HMCN2: variants seen among roughly 807,000 people sequenced by gnomAD.
HMCN2 encodes hemicentin 2, also known as hemicentin-2.
In HMCN2, 325 loss-of-function variants were observed where a neutral mutation model predicts 377.5. That is an observed-to-expected ratio of 0.86 (90% CI 0.79 to 0.94). HMCN2 has a LOEUF of 0.94. Among genes scored for constraint, HMCN2 ranks in the 40% least tolerant of loss-of-function variants. The pLI is 0.00. For synonymous variants in HMCN2, 2,007 were observed against 2,046.8 expected, an observed-to-expected ratio of 0.98 and a Z score of 0.53; for missense variants, 4,543 against 4,725.3, an observed-to-expected ratio of 0.96 and a Z score of 1.13.
At position 130,351,456 on chromosome 9, in the gene HMCN2, C is replaced by A. The variant is rs1453920638; in HGVS notation, c.4464C>A (p.Val1488=). The A allele has an allele frequency of 7.7e-7, 1 of 1,304,254 alleles. No homozygotes were observed. The highest frequency in any genetic ancestry group is 2.3e-5 in the Admixed American group (1 of 43,564). The allele number at this position is 1,304,254 out of a possible 1,614,324, so 80.8% of individuals were successfully genotyped here. ...PVLPGGPHLQ[V]QEDGQVLRIT... is the part of the protein sequence containing the mutation. Reference sequence around the variant, plus strand: ...TTCCGGGAGGCCCTCACCTGCAGGTCCAGGAGGATGGCCAGGTTCTCAGGA... The same window carrying A: ...TTCCGGGAGGCCCTCACCTGCAGGTACAGGAGGATGGCCAGGTTCTCAGGA... The change falls in exon 30 of 98, where the codon GTC becomes GTA. Residue 1488 remains valine (V), a synonymous_variant. Coordinates refer to ENST00000683500, the MANE Select transcript of HMCN2 (RefSeq NM_001291815.2). This position sits in a 1 kb window ranked among gnomAD's most constrained non-coding sequence, Gnocchi z 5.4.
At chr9:130,315,737 GC>G (rs1837531867) in intron 15 of HMCN2, among the ~76,000 whole-genome samples, 2 of 152,108 alleles carry the variant, frequency 1.3e-5, no homozygotes, top group South Asian at 4.1e-4. Context: ...CAGGCTGCTG[GC>G]CTGGCTGGGT....
intron 7 of HMCN2, among the ~76,000 whole-genome samples, chr9:130,298,469 A>G (rs782509302): frequency 7.9e-5 from 12 of 152,196 alleles, no homozygotes; most frequent in Non-Finnish European, 1.6e-4. Flanking sequence ...GGCTGCAGTG[A>G]GCTGTGATTG....
At chr9:130,377,901 G>A (rs1841480979) in intron 53 of HMCN2, 102 bp downstream of exon 53, 8 of 873,432 alleles carry the variant, frequency 9.2e-6, no homozygotes, top group Non-Finnish European at 1.1e-5. Flanking sequence ...CAGCTCACGC[G>A]CCACCCGTGG....
At chr9:130,288,933 G>A (rs1835571452) in intron 4 of HMCN2, among the ~76,000 whole-genome samples, 1 of 152,210 alleles carries the variant, frequency 6.6e-6, no homozygotes, top group Admixed American at 6.5e-5. Context: ...GTGGCCCCTT[G>A]AACCTGCCCC....
chr9:130,296,919 C>A lies in HMCN2; in HGVS notation c.1012+125C>A, dbSNP rs1588193940. 3 of 387,344 alleles carry A rather than the reference C, an allele frequency of 7.7e-6. No individual in the cohort carries two copies. In the East Asian group the frequency reaches 2.2e-4, roughly 29 times the overall value. 24.0% of individuals were successfully genotyped at this position (387,344 alleles called of 1,614,324 possible). On this transcript the variant is annotated intron_variant, in intron 7 of 97. Coordinates refer to ENST00000683500, the MANE Select transcript of HMCN2 (RefSeq NM_001291815.2). Reference sequence around the variant, plus strand: ...GTGTGTGACTGTGAAAGGGACCCTGCAGGAGGCCAAGTGGGACTGTGCTCC... The same window carrying A: ...GTGTGTGACTGTGAAAGGGACCCTGAAGGAGGCCAAGTGGGACTGTGCTCC...
chr9:130,349,247 G>GA, intron 28 of HMCN2, 116 bp downstream of exon 28: 1 of 1,108,200 alleles, frequency 9.0e-7, no homozygotes, highest in Non-Finnish European at 1.2e-6. Flanking sequence ...GGGGCACAGA[G>GA]GGACCCATGA....
chr9:130,430,135 G>A, intron 94 of HMCN2, 149 bp from the exon 95 acceptor site: 1 of 686,198 alleles, frequency 1.5e-6, no homozygotes, highest in South Asian at 1.9e-5. Context: ...TGGTCCGGGA[G>A]AGGGGGATGC....
rs959035326 is a variant in HMCN2 at position 130,266,913 on chromosome 9, G to A, written c.259+776G>A. On this transcript the variant is annotated intron_variant, in intron 1 of 97. Transcript: ENST00000683500. ...GACAGCGGTTGCTGAGTGAGCTGCA[G>A]GTTCCCAGCGGCGAGGAGCAGGACT... is the stretch of plus-strand genomic sequence containing the variant. 3.3e-5 allele frequency among the ~76,000 whole-genome samples: 5 copies of A among 152,014 alleles called. No homozygotes were observed. The South Asian group carries it at 1.0e-3, about 32-fold the overall frequency.
chr9:130,339,180 C>A (rs1307288714), intron 23 of HMCN2, among the ~76,000 whole-genome samples: 1 of 151,816 alleles, frequency 6.6e-6, no homozygotes, highest in Non-Finnish European at 1.5e-5. Context: ...AGTGCGAGAC[C>A]CTGTCTCAAA....
At chr9:130,364,677 G>A (rs1840594933) in intron 40 of HMCN2, 37 bp from the exon 41 acceptor site, 6 of 980,212 alleles carry the variant, frequency 6.1e-6, no homozygotes, top group Non-Finnish European at 7.3e-6. Context: ...CCCCACCCAT[G>A]TGCCTGAGGG....
chr9:130,297,127 A>C (rs1554932462), intron 7 of HMCN2, among the ~76,000 whole-genome samples: 3 of 152,192 alleles, frequency 2.0e-5, no homozygotes. Context: ...TTTTGTCAAA[A>C]CATATCTGCC....
At chr9:130,403,076 T>G in intron 78 of HMCN2, 118 bp from the exon 79 acceptor site, 1 of 1,100,524 alleles carries the variant, frequency 9.1e-7, no homozygotes, top group Non-Finnish European at 1.2e-6. Flanking sequence ...CTGTGGCCGA[T>G]GTTTCTAGAA....
Position 130,309,901 on chromosome 9 carries a change from C to CT in HMCN2, c.2201-8dup. ...GGACACCGGCCTGATGCTTCTTCCTCTTTGGTCCAGGGGGTCTTGAAATGA... is the reference window on the plus strand; with the variant it reads ...GGACACCGGCCTGATGCTTCTTCCTCTTTTGGTCCAGGGGGTCTTGAAATGA... On this transcript the variant is annotated splice_polypyrimidine_tract_variant and intron_variant, in intron 14 of 97. Transcript: ENST00000683500. 2.1e-6 allele frequency: 1 copy of CT among 479,718 alleles called. No homozygotes were observed. The highest frequency in any genetic ancestry group is 4.3e-6 in the Non-Finnish European group (1 of 231,708). The allele number at this position is 479,718 out of a possible 1,614,324, so 29.7% of individuals were successfully genotyped here.
At chr9:130,279,185 C>T (rs187881953) in intron 1 of HMCN2, among the ~76,000 whole-genome samples, 1 of 152,244 alleles carries the variant, frequency 6.6e-6, no homozygotes, top group East Asian at 1.9e-4. Flanking sequence ...AGGCATGAGC[C>T]ACCTGCCGTG....
chr9:130,433,800 C>A lies in HMCN2; in HGVS notation c.*107C>A. 1.1e-6 allele frequency: 1 copy of A among 928,888 alleles called. No individual in the cohort carries two copies. The highest frequency in any genetic ancestry group is 1.5e-6 in the Non-Finnish European group (1 of 660,888). The allele number at this position is 928,888 out of a possible 1,614,324, so 57.5% of individuals were successfully genotyped here. Reference sequence around the variant, plus strand: ...TGGCAAGCGGAGCGTCATCGTCTCCCGCCCCGTGCGTCAGCGAGACCTTGG... The same window carrying A: ...TGGCAAGCGGAGCGTCATCGTCTCCAGCCCCGTGCGTCAGCGAGACCTTGG... On this transcript the variant is annotated 3_prime_UTR_variant, in exon 98 of 98. Coordinates refer to ENST00000683500, the MANE Select transcript of HMCN2 (RefSeq NM_001291815.2).
intron 1 of HMCN2, among the ~76,000 whole-genome samples, chr9:130,275,790 A>G (rs1834659046): frequency 6.6e-6 from 1 of 152,084 alleles, no homozygotes. Context: ...TGAAATAGAA[A>G]CCATCAGTCC....
At chr9:130,432,236 G>GC (rs1352917544) in intron 96 of HMCN2, among the ~76,000 whole-genome samples, 193 bp from the exon 97 acceptor site, 2 of 152,140 alleles carry the variant, frequency 1.3e-5, no homozygotes, top group East Asian at 1.9e-4. Flanking sequence ...GAAAGCCCTG[G>GC]CCCCCCGAGG....
In HMCN2 at chr9:130,319,648, G is replaced by A. The variant is rs1383633696; in HGVS notation, c.2504G>A (p.Arg835Gln). The A allele has an allele frequency of 8.5e-5, 13 of 152,246 alleles. No homozygotes were observed. Among genetic ancestry groups the A allele is most frequent in the Admixed American group, 4.6e-4 (7 of 15,292 alleles). The allele number at this position is 152,246 out of a possible 1,614,324, so 9.4% of individuals were successfully genotyped here. ...QPLGLRLGAG[R>Q]GSRSRQPDSG... ...CTGGGACTCAGGCTGGGGGCCGGGC[G>A]AGGCAGTAGGTCTCGGCAGCCGGAT... The change falls in exon 16 of 98, where the codon CGA (arginine) becomes CAA (glutamine). Residue 835 changes from arginine (R) to glutamine (Q), a missense_variant. This residue lies in a region of HMCN2 where 547 missense variants were observed against 189.9 expected (regional missense o/e 2.88). Coordinates refer to ENST00000683500, the MANE Select transcript of HMCN2 (RefSeq NM_001291815.2).
intron 4 of HMCN2, among the ~76,000 whole-genome samples, chr9:130,293,014 C>G (rs1324556545): frequency 7.9e-5 from 12 of 151,992 alleles, no homozygotes; most frequent in Non-Finnish European, 1.5e-5. Flanking sequence ...ACCTACCTGC[C>G]TATATACCTA....
Sources: gnomAD v4.1 joint callset for allele counts (sites outside exome capture counted in the v4.1 genomes callset) on GRCh38, gnomAD v4.1.1 for gene constraint, gnomAD v4.1.1 regional missense constraint, Gnocchi (gnomAD v3.1) non-coding constraint, MANE v1.5 for transcripts, NCBI Gene and HGNC (gene_info 2026-07-23, HGNC 2026-07-21) for gene names.